NXN: variants seen among roughly 807,000 people sequenced by gnomAD.
The protein encoded by NXN is nucleoredoxin 1.
In NXN, 16 loss-of-function variants were observed where a neutral mutation model predicts 48.6. The ratio of observed to expected loss-of-function variants is 0.33; its 90% confidence interval spans 0.22 to 0.50. The LOEUF (loss-of-function observed/expected upper bound fraction) is 0.50, where lower values mean the gene tolerates loss of function less well. NXN is among the 20% of genes least tolerant of loss of function. NXN has a pLI of 0.98. For synonymous variants in NXN, 281 were observed against 269.6 expected (o/e 1.04, Z -0.41); for missense variants, 492 against 605.5 (o/e 0.81, Z 1.97).
chr17:924,725 TTCC>T (rs2068782548), intron 1 of NXN, among the ~76,000 whole-genome samples: 3 of 151,944 alleles, frequency 2.0e-5, no homozygotes, highest in Non-Finnish European at 2.9e-5. Flanking sequence ...CTCCGTTCCG[TTCC>T]GTTCCGTTCC....
intron 1 of NXN, among the ~76,000 whole-genome samples, chr17:965,281 A>C (rs1358518502): frequency 1.3e-5 from 2 of 152,202 alleles, no homozygotes; most frequent in Non-Finnish European, 2.9e-5. Context: ...ATTTTCAAAA[A>C]GACAAAAGTG....
intron 1 of NXN, among the ~76,000 whole-genome samples, chr17:903,904 AC>A (rs1373789123): frequency 6.6e-6 from 1 of 151,614 alleles, no homozygotes; most frequent in Non-Finnish European, 1.5e-5. Flanking sequence ...AGCCAACCTC[AC>A]CCCCCACGGG....
intron 1 of NXN, among the ~76,000 whole-genome samples, chr17:828,249 GC>G (rs990524040): frequency 4.9e-5 from 7 of 144,278 alleles, no homozygotes; most frequent in Admixed American, 1.4e-4. Flanking sequence ...GATTACAGGT[GC>G]CCCCTACCAC....
At chr17:814,774 C>G (rs1303865649) in intron 5 of NXN, among the ~76,000 whole-genome samples, 10 of 151,460 alleles carry the variant, frequency 6.6e-5, no homozygotes, top group Admixed American at 5.9e-4. Context: ...GCCTGTAATC[C>G]CAGCACTTAG....
chr17:885,344 G>A (rs1368928961), intron 1 of NXN, among the ~76,000 whole-genome samples: 2 of 151,992 alleles, frequency 1.3e-5, no homozygotes, highest in East Asian at 1.9e-4. Flanking sequence ...TGGGCGTGGT[G>A]CAGGCGCCCG....
intron 1 of NXN, among the ~76,000 whole-genome samples, chr17:938,683 C>CA (rs890706774): frequency 6.6e-6 from 1 of 150,432 alleles, no homozygotes; most frequent in African/African-American, 2.4e-5. Context: ...GACACTGTCT[C>CA]AAAAAACAAA....
rs754588178 is a variant in NXN, at chr17:801,030, G to A, written c.1227C>T (p.Asp409=). 4.5e-6 allele frequency: 7 copies of A among 1,572,590 alleles called. No individual in the cohort carries two copies. The highest frequency in any genetic ancestry group is 5.2e-6 in the Non-Finnish European group (6 of 1,158,050). The change falls in exon 8 of 8, where the codon GAC becomes GAT. Residue 409 remains aspartate (D), a synonymous_variant. Transcript: ENST00000336868. ...CGATGGCGGGGGTGATCTCCTCCAC[G>A]TCCATCACGTACTTGGCCCGGGCTG... is the stretch of plus-strand genomic sequence containing the variant. ...DMSARAKYVM[D]VEEITPAIVE...
chr17:842,410 C>T (rs1410155453), intron 1 of NXN: 18 of 585,028 alleles, frequency 3.1e-5, no homozygotes, highest in African/African-American at 4.1e-5. Flanking sequence ...TGCACATGGC[C>T]GGGAGCCCGG....
In NXN at chr17:849,438, CAGA is replaced by C. The variant is rs755453499; in HGVS notation, c.361-23363_361-23361del. Among the ~76,000 whole-genome samples the C allele has an allele frequency of 1.1e-4, 17 of 152,182 alleles. No homozygotes were observed. Among genetic ancestry groups the C allele is most frequent in the Middle Eastern group, 6.8e-3 (2 of 294 alleles). ...ATCCCAGCTACTCAGGAGGCTGAGGCAGAAGAATTGCTTGAACCTGGGAGGCGG... is the reference window on the plus strand; with the variant it reads ...ATCCCAGCTACTCAGGAGGCTGAGGCAGAATTGCTTGAACCTGGGAGGCGG... On this transcript the variant is annotated intron_variant, in intron 1 of 7. Transcript: ENST00000336868. This position sits in a 1 kb window ranked among gnomAD's most constrained non-coding sequence, Gnocchi z 4.2.
chr17:975,679 C>T (rs927652902), intron 1 of NXN, among the ~76,000 whole-genome samples: 1 of 152,232 alleles, frequency 6.6e-6, no homozygotes, highest in East Asian at 1.9e-4. Context: ...GATGTCAGTG[C>T]ACCCACACTG....
At chr17:940,252 T>C (rs1347915593) in intron 1 of NXN, among the ~76,000 whole-genome samples, 2 of 150,394 alleles carry the variant, frequency 1.3e-5, no homozygotes, top group East Asian at 3.9e-4. Flanking sequence ...TTTTTTTTTT[T>C]GGTCTCTTTC....
rs553745049 is a variant in NXN, at chr17:865,918, G to A, written c.361-39840C>T. 4.6e-5 allele frequency among the ~76,000 whole-genome samples: 7 copies of A among 152,178 alleles called. No homozygotes were observed. In the East Asian group the frequency reaches 1.2e-3, roughly 26 times the overall value. ...GAATCGCTTGAACCCGGGAGGTGGA[G>A]GTTGCAGTGAGCTAAGATCGCGGCA... On this transcript the variant is annotated intron_variant, in intron 1 of 7. Coordinates refer to ENST00000336868, the MANE Select transcript of NXN (RefSeq NM_022463.5).
chr17:823,175 G>A (rs1277019097), intron 3 of NXN, among the ~76,000 whole-genome samples: 3 of 150,982 alleles, frequency 2.0e-5, no homozygotes, highest in Non-Finnish European at 2.9e-5. Flanking sequence ...GAGGCGGGCA[G>A]ATCACCTGAG....
At chr17:876,765 C>T (rs1439800509) in intron 1 of NXN, among the ~76,000 whole-genome samples, 2 of 152,076 alleles carry the variant, frequency 1.3e-5, no homozygotes, top group African/African-American at 2.4e-5. Context: ...AACTCTTGGC[C>T]GGGCGCGGGG....
chr17:882,488 T>C (rs578070961), intron 1 of NXN, among the ~76,000 whole-genome samples: 20 of 152,296 alleles, frequency 1.3e-4, no homozygotes, highest in East Asian at 1.9e-4. Context: ...TGTTTTGAGA[T>C]GGAGTCTCGC....
intron 1 of NXN, among the ~76,000 whole-genome samples, chr17:895,614 C>T (rs1310740861): frequency 4.0e-5 from 6 of 149,094 alleles, no homozygotes; most frequent in East Asian, 4.1e-4. Context: ...AGATCAAGAC[C>T]ATCCTGGCTA....
intron 5 of NXN, among the ~76,000 whole-genome samples, chr17:816,859 C>T (rs1365341167): frequency 2.0e-5 from 3 of 152,130 alleles, no homozygotes; most frequent in Non-Finnish European, 4.4e-5. Context: ...GGACCACTGG[C>T]GTAGGGGCAT....
At chr17:832,915 C>T (rs565820890) in intron 1 of NXN, among the ~76,000 whole-genome samples, 56 of 150,862 alleles carry the variant, frequency 3.7e-4, no homozygotes, top group African/African-American at 1.2e-3. Flanking sequence ...TTCTTTGAGA[C>T]GGAGTCTCGC....
chr17:925,179 G>A (rs1173218008), intron 1 of NXN, among the ~76,000 whole-genome samples: 2 of 152,152 alleles, frequency 1.3e-5, no homozygotes, highest in Non-Finnish European at 2.9e-5. Context: ...GGGTGGAAAG[G>A]AGATACAGAG....
Sources: allele counts gnomAD v4.1 joint callset (sites outside exome capture counted in the v4.1 genomes callset), GRCh38; gene constraint gnomAD v4.1.1; non-coding constraint Gnocchi (gnomAD v3.1); transcripts MANE v1.5; gene names NCBI Gene and HGNC (gene_info 2026-07-23, HGNC 2026-07-21).